Variants in PCDH9 observed in about 807,000 individuals in gnomAD.
The protein encoded by PCDH9 is protocadherin 9.
A neutral mutation model predicts 70.6 loss-of-function variants in PCDH9; 24 were observed. That is an observed-to-expected ratio of 0.34 (90% confidence interval 0.25 to 0.48). PCDH9 has a LOEUF of 0.48. Among genes scored for constraint, PCDH9 ranks in the 20% least tolerant of loss-of-function variants. The probability of loss-of-function intolerance (pLI) is 0.99; values close to 1 mark genes in which losing one functional copy is unlikely to be tolerated. For synonymous variants in PCDH9, 562 were observed against 558.5 expected (o/e 1.01, Z -0.09); for missense variants, 1,281 against 1,503.6 (o/e 0.85, Z 2.45).
At chr13:66,337,539 G>A (rs888193013) in intron 4 of PCDH9, among the ~76,000 whole-genome samples, 1 of 151,914 alleles carries the variant, frequency 6.6e-6, no homozygotes, top group Non-Finnish European at 1.5e-5. Context: ...CTGTCATTCT[G>A]TATTTCCAGT....
rs17082164 is a variant in PCDH9 at position 67,142,166 on chromosome 13, C to G, written c.3036+83239G>C. On this transcript the variant is annotated intron_variant, in intron 2 of 4. Coordinates refer to ENST00000377865, the MANE Select transcript of PCDH9 (RefSeq NM_203487.3). Reference sequence around the variant, plus strand: ...ATTAAGAATGTGGAAAAACCCTTTTCATCCCATTGTTCTGCTACCGTAAGT... The same window carrying G: ...ATTAAGAATGTGGAAAAACCCTTTTGATCCCATTGTTCTGCTACCGTAAGT... 1.7e-3 allele frequency among the ~76,000 whole-genome samples: 266 copies of G among 152,238 alleles called. 6 individuals are homozygous for G. The highest frequency in any genetic ancestry group is 5.8e-3 in the African/African-American group (239 of 41,554).
At chr13:67,144,654 C>T (rs9571720) in intron 2 of PCDH9, among the ~76,000 whole-genome samples, 62,091 of 151,890 alleles carry the variant, frequency 0.41, 13,341 homozygotes, top group East Asian at 0.63. Context: ...CTAAAGAATG[C>T]TAATAGAGTG....
chr13:67,082,265 G>A (rs188047853), intron 2 of PCDH9, among the ~76,000 whole-genome samples: 4 of 152,150 alleles, frequency 2.6e-5, no homozygotes, highest in Admixed American at 6.6e-5. Flanking sequence ...TGCTCCCAGC[G>A]CCTTGCAACC....
chr13:66,524,312 T>G (rs1285205944), intron 4 of PCDH9, among the ~76,000 whole-genome samples: 1 of 152,104 alleles, frequency 6.6e-6, no homozygotes, highest in Non-Finnish European at 1.5e-5. Flanking sequence ...TTTTCTCTTT[T>G]GTTGTTCTTT....
intron 3 of PCDH9, among the ~76,000 whole-genome samples, chr13:66,891,028 T>C (rs751039396): frequency 1.3e-5 from 2 of 152,096 alleles, no homozygotes; most frequent in Non-Finnish European, 2.9e-5. Flanking sequence ...TTTTCCAGAA[T>C]GTCGCAGAAA....
intron 2 of PCDH9, among the ~76,000 whole-genome samples, chr13:66,935,232 T>C (rs187897022): frequency 6.6e-6 from 1 of 152,138 alleles, no homozygotes; most frequent in East Asian, 1.9e-4. Flanking sequence ...TATTTTTTAA[T>C]TTTTGTAGTG....
chr13:67,068,261 AATT>A (rs2085690616), intron 2 of PCDH9, among the ~76,000 whole-genome samples: 1 of 151,426 alleles, frequency 6.6e-6, no homozygotes, highest in South Asian at 2.1e-4. Flanking sequence ...TTATTTAATA[AATT>A]ATTAATTTAT....
At chr13:67,212,243 A>C (rs926289880) in intron 2 of PCDH9, 1 of 152,122 alleles carries the variant, frequency 6.6e-6, no homozygotes, top group Non-Finnish European at 1.5e-5. Context: ...TTATTACCCC[A>C]TTGAAAGATC....
At chr13:66,995,213 T>G (rs1322621027) in intron 2 of PCDH9, among the ~76,000 whole-genome samples, 1 of 152,204 alleles carries the variant, frequency 6.6e-6, no homozygotes, top group Non-Finnish European at 1.5e-5. Context: ...CCTGATTAAA[T>G]GAGCTGGCAC....
chr13:66,822,021 A>T (rs1054970371), intron 3 of PCDH9, among the ~76,000 whole-genome samples: 1 of 152,048 alleles, frequency 6.6e-6, no homozygotes, highest in Non-Finnish European at 1.5e-5. Flanking sequence ...GCCTCAACCT[A>T]TATCAGGATT....
chr13:66,517,136 C>A (rs1175246634), intron 4 of PCDH9, among the ~76,000 whole-genome samples: 1 of 152,028 alleles, frequency 6.6e-6, no homozygotes, highest in Non-Finnish European at 1.5e-5. Context: ...TTTCTGGTAT[C>A]TTTAATTTAT....
intron 2 of PCDH9, among the ~76,000 whole-genome samples, chr13:66,921,325 A>G (rs2082633472): frequency 6.6e-6 from 1 of 151,216 alleles, no homozygotes; most frequent in African/African-American, 2.4e-5. Flanking sequence ...CAGACATTGT[A>G]TTTACGTGAG....
intron 2 of PCDH9, among the ~76,000 whole-genome samples, chr13:67,067,461 T>C (rs1294732419): frequency 6.6e-6 from 1 of 152,130 alleles, no homozygotes; most frequent in African/African-American, 2.4e-5. Flanking sequence ...CATCTCAATT[T>C]GGACTCGTCA....
chr13:66,727,351 G>A (rs2079018768), intron 3 of PCDH9, among the ~76,000 whole-genome samples: 1 of 152,118 alleles, frequency 6.6e-6, no homozygotes, highest in Admixed American at 6.6e-5. Context: ...CTAAATATAA[G>A]AGGAGAGTTC....
At chr13:67,215,786 G>A (rs1262715317) in intron 2 of PCDH9, 1 of 152,092 alleles carries the variant, frequency 6.6e-6, no homozygotes, top group Non-Finnish European at 1.5e-5. Context: ...CAAGATCACT[G>A]ATCTTCAGGT....
intron 2 of PCDH9, among the ~76,000 whole-genome samples, chr13:66,912,864 G>A (rs2082492102): frequency 6.6e-6 from 1 of 152,018 alleles, no homozygotes; most frequent in Non-Finnish European, 1.5e-5. Context: ...TGAAATTTCT[G>A]TGGTAAGGAG....
intron 2 of PCDH9, among the ~76,000 whole-genome samples, chr13:67,155,887 A>G (rs1313709012): frequency 2.0e-5 from 3 of 152,074 alleles, no homozygotes; most frequent in Non-Finnish European, 2.9e-5. Flanking sequence ...TATTAACACA[A>G]TCTCAAAATC....
chr13:66,682,936 G>A (rs990990630), intron 3 of PCDH9, among the ~76,000 whole-genome samples: 2 of 152,148 alleles, frequency 1.3e-5, no homozygotes, highest in African/African-American at 4.8e-5. Flanking sequence ...GCTGCAGAGA[G>A]AATGGGATTG....
At chr13:66,478,799 G>A (rs572840644) in intron 4 of PCDH9, among the ~76,000 whole-genome samples, 2 of 152,342 alleles carry the variant, frequency 1.3e-5, no homozygotes, top group Admixed American at 6.5e-5. Context: ...AGTACAAGGC[G>A]AAGCAGCAAG....
Sources: allele counts gnomAD v4.1 joint callset (sites outside exome capture counted in the v4.1 genomes callset), GRCh38; gene constraint gnomAD v4.1.1; transcripts MANE v1.5; gene names NCBI Gene and HGNC (gene_info 2026-07-23, HGNC 2026-07-21).